CACNA1G: variants seen among roughly 807,000 people sequenced by gnomAD.
CACNA1G encodes voltage-dependent T-type calcium channel subunit alpha-1G.
In CACNA1G, 67 loss-of-function variants were observed where a neutral mutation model predicts 219.4. The observed-to-expected ratio is 0.31, with a 90% CI of 0.25 to 0.37. CACNA1G has a LOEUF of 0.37. Among genes scored for constraint, CACNA1G ranks in the 10% least tolerant of loss-of-function variants. The pLI is 1.00. For synonymous variants in CACNA1G, 1,296 were observed against 1,345.3 expected (o/e 0.96, Z 0.80); for missense variants, 2,380 against 3,231.4 (o/e 0.74, Z 6.39).
At position 50,572,673 on chromosome 17, in the gene CACNA1G, G is replaced by C; in HGVS notation, c.866G>C (p.Arg289Pro). 6.2e-7 allele frequency: 1 copy of C among 1,611,358 alleles called. No individual in the cohort carries two copies. The highest frequency in any genetic ancestry group is 8.5e-7 in the Non-Finnish European group (1 of 1,178,778). The change falls in exon 6 of 38, where the codon CGC (arginine) becomes CCC (proline). Residue 289 changes from arginine (R) to proline (P), a missense_variant. Around this residue, in one of 17 missense-constraint regions of CACNA1G, gnomAD observed 68 missense variants for 85.3 expected, o/e 0.80. Coordinates refer to ENST00000359106, the MANE Select transcript of CACNA1G (RefSeq NM_018896.5). ...MRSCRSVPTL[R>P]GDGGGGPPCG... is the part of the protein sequence containing the mutation. Reference sequence around the variant, plus strand: ...TCCTGCAGAAGCGTGCCCACGCTGCGCGGGGACGGGGGCGGTGGCCCACCT... The same window carrying C: ...TCCTGCAGAAGCGTGCCCACGCTGCCCGGGGACGGGGGCGGTGGCCCACCT...
Position 50,575,769 on chromosome 17 carries a change from G to T in CACNA1G, c.1367G>T (p.Arg456Leu), listed in dbSNP as rs116920450. The change falls in exon 8 of 38, where the codon CGG becomes CTG. Residue 456 changes from arginine to leucine, a missense_variant. Arg to Leu is a moderately radical substitution (Grantham distance 102, BLOSUM62 -2). This residue lies in a region of CACNA1G where 434 missense variants were observed against 417.3 expected (regional missense o/e 1.04). Transcript: ENST00000359106. ...KAARRLAQVSRAAGVRVGLLS... is the reference protein window; with the variant it reads ...KAARRLAQVSLAAGVRVGLLS... The stretch of plus-strand genomic sequence containing the variant: ...GCCCGCAGGCTGGCTCAGGTCTCTC[G>T]GGCAGCAGGTGTGCGGGTTGGGCTG... The T allele has an allele frequency of 1.0e-4, 158 of 1,558,996 alleles. No individual in the cohort carries two copies. Among genetic ancestry groups the T allele is most frequent in the Non-Finnish European group, 1.3e-4 (148 of 1,151,870 alleles).
rs1316694700 is a variant in CACNA1G, at chr17:50,623,944, T to C, written c.6098T>C (p.Leu2033Ser). ...PHPTELPGPDLLTVRKSGVSR... is the reference protein window; with the variant it reads ...PHPTELPGPDSLTVRKSGVSR... ...CCCACGGAGCTGCCAGGACCAGACT[T>C]ACTGACTGTGCGGAAGTCTGGGGTC... Residue 2033 changes from leucine to serine, a missense_variant, in exon 36 of 38, where the codon TTA (leucine) becomes TCA (serine). Physicochemically the swap from Leu to Ser is moderately radical, Grantham distance 145. This residue lies in a region of CACNA1G where 672 missense variants were observed against 670.5 expected (regional missense o/e 1.00). Coordinates refer to ENST00000359106, the MANE Select transcript of CACNA1G (RefSeq NM_018896.5). 2 of 1,613,116 alleles carry C rather than the reference T, an allele frequency of 1.2e-6. No homozygotes were observed. Among genetic ancestry groups the C allele is most frequent in the East Asian group, 4.5e-5 (2 of 44,852 alleles).
chr17:50,604,937 C>T (rs1203605375), intron 22 of CACNA1G, among the ~76,000 whole-genome samples: 2 of 152,190 alleles, frequency 1.3e-5, no homozygotes, highest in African/African-American at 4.8e-5. Context: ...TGGGTGGCTA[C>T]ACCCTCCCCT....
chr17:50,626,842 T>A lies in CACNA1G; in HGVS notation c.*91T>A. 6.5e-7 allele frequency: 1 copy of A among 1,546,944 alleles called. No homozygotes were observed. Among genetic ancestry groups the A allele is most frequent in the Non-Finnish European group, 8.9e-7 (1 of 1,120,572 alleles). ...CTATATTCCTGACAAAAGTTCCATA[T>A]AGACACCAAGGAGGCGGAGGCGCTC... is the stretch of plus-strand genomic sequence containing the variant. On this transcript the variant is annotated 3_prime_UTR_variant, in exon 38 of 38. Transcript: ENST00000359106. The surrounding 1 kb of genome is among the most constrained non-coding windows in gnomAD (Gnocchi z 4.3).
At chr17:50,593,344 CA>C (rs1456030193) in intron 13 of CACNA1G, among the ~76,000 whole-genome samples, 1 of 152,234 alleles carries the variant, frequency 6.6e-6, no homozygotes, top group Admixed American at 6.5e-5. Flanking sequence ...CAGCTCCTGC[CA>C]GCCACGGTTC....
intron 1 of CACNA1G, among the ~76,000 whole-genome samples, chr17:50,566,933 A>T (rs2038043921): frequency 6.6e-6 from 1 of 152,160 alleles, no homozygotes; most frequent in Admixed American, 6.5e-5. Flanking sequence ...TCTTCCTCAG[A>T]GATCTACTGC....
intron 16 of CACNA1G, among the ~76,000 whole-genome samples, chr17:50,598,191 C>G (rs529955527): frequency 1.2e-4 from 18 of 152,284 alleles, no homozygotes; most frequent in African/African-American, 4.1e-4. Context: ...CCATGTCCGG[C>G]TAATTTTTTG....
chr17:50,609,136 G>T (rs937322876), intron 25 of CACNA1G, among the ~76,000 whole-genome samples: 13 of 152,178 alleles, frequency 8.5e-5, no homozygotes, highest in African/African-American at 3.1e-4. Flanking sequence ...GTGAGGGGTT[G>T]CCGTGCCCCT....
chr17:50,606,081 C>T, intron 23 of CACNA1G, 58 bp downstream of exon 23: 1 of 1,610,000 alleles, frequency 6.2e-7, no homozygotes, highest in Non-Finnish European at 8.5e-7. Context: ...GGGCACAGGG[C>T]CATGCTTAGT....
intron 27 of CACNA1G, among the ~76,000 whole-genome samples, chr17:50,616,034 C>T (rs535365653): frequency 1.3e-5 from 2 of 152,236 alleles, no homozygotes; most frequent in Admixed American, 6.5e-5. Context: ...ATGTGATCTC[C>T]TCACCATCTC....
Position 50,619,046 on chromosome 17 carries a change from G to A in CACNA1G, c.5781+38G>A, listed in dbSNP as rs1020198014. 9 of 1,451,778 alleles carry A rather than the reference G, an allele frequency of 6.2e-6. No homozygotes were observed. In the Admixed American group the frequency reaches 1.7e-4, roughly 27 times the overall value. The allele number at this position is 1,451,778 out of a possible 1,614,324, so 89.9% of individuals were successfully genotyped here. ...CCACCCCAGCCGTGAGAGGAGCTGG[G>A]GCAGGAGAAGGGTGTGGAGGGTGGT... On this transcript the variant is annotated intron_variant, in intron 33 of 37. Transcript: ENST00000359106.
chr17:50,561,830 G>C (rs892346677), intron 1 of CACNA1G, 129 bp downstream of exon 1: 1 of 743,656 alleles, frequency 1.3e-6, no homozygotes, highest in East Asian at 3.4e-5. Flanking sequence ...GCGGATGGGG[G>C]GGGGGCTGCC....
chr17:50,595,774 C>T (rs1334764460), intron 14 of CACNA1G, among the ~76,000 whole-genome samples: 3 of 152,222 alleles, frequency 2.0e-5, no homozygotes, highest in Non-Finnish European at 4.4e-5. Flanking sequence ...CCCGAGCAGC[C>T]CCCTGGAGAT....
chr17:50,590,454 C>T lies in CACNA1G; in HGVS notation c.2302-17C>T. On this transcript the variant is annotated splice_polypyrimidine_tract_variant and intron_variant, in intron 9 of 37. Coordinates refer to ENST00000359106, the MANE Select transcript of CACNA1G (RefSeq NM_018896.5). The stretch of plus-strand genomic sequence containing the variant: ...CAGTGATAAGCCAGCTGCCTCACAT[C>T]CCACCCTGCCCTGCAGCCCGAGGAG... 6.2e-7 allele frequency: 1 copy of T among 1,613,250 alleles called. No homozygotes were observed. The highest frequency in any genetic ancestry group is 8.5e-7 in the Non-Finnish European group (1 of 1,179,756).
At chr17:50,594,497 C>T (rs188501149) in intron 13 of CACNA1G, among the ~76,000 whole-genome samples, 2 of 152,304 alleles carry the variant, frequency 1.3e-5, no homozygotes, top group East Asian at 1.9e-4. Context: ...GCCTCCGAAC[C>T]GGTGAGAGGA....
chr17:50,624,003 A>G lies in CACNA1G; in HGVS notation c.6157A>G (p.Met2053Val). 1.2e-6 allele frequency: 2 copies of G among 1,613,192 alleles called. No homozygotes were observed. Among genetic ancestry groups the G allele is most frequent in the Non-Finnish European group, 1.7e-6 (2 of 1,179,844 alleles). Residue 2053 changes from methionine to valine, a missense_variant, in exon 36 of 38, where the codon ATG becomes GTG. Met to Val is a conservative substitution (Grantham distance 21). Coordinates refer to ENST00000359106, the MANE Select transcript of CACNA1G (RefSeq NM_018896.5). ...GCACTCTCTGCCCAATGACAGCTAC[A>G]TGTGTCGGCATGGGAGCACTGCCGA... is the stretch of plus-strand genomic sequence containing the variant. ...RTHSLPNDSY[M>V]CRHGSTAEGP...
intron 37 of CACNA1G, among the ~76,000 whole-genome samples, chr17:50,624,955 C>CTTTTTTTTTT (rs3986415): frequency 8.5e-6 from 1 of 117,526 alleles, no homozygotes; most frequent in Non-Finnish European, 1.7e-5. Flanking sequence ...AGCCCAGATT[C>CTTTTTTTTTT]TTTTTTTTTT....
chr17:50,561,680 G>T lies in CACNA1G; in HGVS notation c.221G>T (p.Cys74Phe), dbSNP rs765828763. The change falls in exon 1 of 38, where the codon TGT becomes TTT. Residue 74 changes from cysteine to phenylalanine, a missense_variant. By Grantham distance (205) the Cys-to-Phe change is radical. This residue lies in a region of CACNA1G where 64 missense variants were observed against 103.7 expected (regional missense o/e 0.62). Transcript: ENST00000359106. ...LSQDSRPRSW[C>F]LRTVCNPWFE... is the part of the protein sequence containing the mutation. Reference sequence around the variant, plus strand: ...CAGGACAGCCGCCCGCGGAGCTGGTGTCTCCGCACGGTCTGTAACCCATAT... The same window carrying T: ...CAGGACAGCCGCCCGCGGAGCTGGTTTCTCCGCACGGTCTGTAACCCATAT... The T allele has an allele frequency of 1.9e-6, 3 of 1,604,106 alleles. No homozygotes were observed. Among genetic ancestry groups the T allele is most frequent in the Non-Finnish European group, 1.7e-6 (2 of 1,175,430 alleles).
At chr17:50,575,399 G>C in intron 7 of CACNA1G, 144 bp from the exon 8 acceptor site, 1 of 882,874 alleles carries the variant, frequency 1.1e-6, no homozygotes, top group Non-Finnish European at 1.7e-6. Context: ...ACCTCCTGAG[G>C]CTGTCTTAAA....
Sources: allele counts gnomAD v4.1 joint callset (sites outside exome capture counted in the v4.1 genomes callset), GRCh38; gene constraint gnomAD v4.1.1; regional missense constraint gnomAD v4.1.1; non-coding constraint Gnocchi (gnomAD v3.1); transcripts MANE v1.5; gene names NCBI Gene and HGNC (gene_info 2026-07-23, HGNC 2026-07-21).